CHST11: variants seen among roughly 807,000 people sequenced by gnomAD.
The protein encoded by CHST11 is C4S-1.
Under a neutral mutation model 30.4 loss-of-function variants are expected in CHST11, and 9 were observed. The observed-to-expected ratio is 0.30, with a 90% CI of 0.18 to 0.52. CHST11 has a LOEUF of 0.52. Ranked by LOEUF, CHST11 falls within the 20% of genes least tolerant of loss-of-function variation. The probability of loss-of-function intolerance (pLI) is 0.97; values close to 1 mark genes in which losing one functional copy is unlikely to be tolerated. For missense variants in CHST11, 348 were observed against 460.6 expected, an observed-to-expected ratio of 0.76 and a Z score of 2.24; for synonymous variants, 152 against 187.8, an observed-to-expected ratio of 0.81 and a Z score of 1.56.
chr12:104,700,603 T>C (rs908156415), intron 2 of CHST11, among the ~76,000 whole-genome samples: 4 of 152,230 alleles, frequency 2.6e-5, no homozygotes, highest in Admixed American at 1.3e-4. Flanking sequence ...GGGAGGGTTA[T>C]AGGTGACTAA....
At chr12:104,637,859 C>T (rs754102977) in intron 2 of CHST11, among the ~76,000 whole-genome samples, 5 of 152,110 alleles carry the variant, frequency 3.3e-5, no homozygotes, top group African/African-American at 1.2e-4. Flanking sequence ...CTCCCTTTGC[C>T]GCACCCCCCC....
At chr12:104,682,619 G>A (rs1387727075) in intron 2 of CHST11, among the ~76,000 whole-genome samples, 8 of 152,170 alleles carry the variant, frequency 5.3e-5, no homozygotes, top group African/African-American at 1.7e-4. Flanking sequence ...CATCTCTCTG[G>A]TGTTTATGGT....
intron 2 of CHST11, among the ~76,000 whole-genome samples, chr12:104,654,848 C>T (rs2039527485): frequency 6.6e-6 from 1 of 152,152 alleles, no homozygotes; most frequent in African/African-American, 2.4e-5. Context: ...TGCCAACATC[C>T]CCCTAGCTAT....
chr12:104,677,432 A>G (rs989585485), intron 2 of CHST11, among the ~76,000 whole-genome samples: 11 of 152,328 alleles, frequency 7.2e-5, no homozygotes, highest in African/African-American at 7.2e-5. Context: ...TAGCTTGTCA[A>G]ACAGTATTTT....
intron 2 of CHST11, among the ~76,000 whole-genome samples, chr12:104,677,211 C>A (rs545895075): frequency 6.6e-6 from 1 of 152,188 alleles, no homozygotes; most frequent in Admixed American, 6.5e-5. Flanking sequence ...TTTAATGTTC[C>A]TGTAATAACA....
At chr12:104,563,335 G>T (rs1345852134) in intron 1 of CHST11, among the ~76,000 whole-genome samples, 1 of 152,216 alleles carries the variant, frequency 6.6e-6, no homozygotes, top group Non-Finnish European at 1.5e-5. Context: ...ACTGTGCTCG[G>T]CCATTGTTGA....
intron 2 of CHST11, among the ~76,000 whole-genome samples, chr12:104,636,229 C>T (rs547581944): frequency 6.6e-5 from 10 of 152,280 alleles, no homozygotes; most frequent in South Asian, 2.1e-4. Flanking sequence ...TCAGACATCC[C>T]GCTCCATTTC....
chr12:104,616,993 G>A (rs1052041656), intron 2 of CHST11, among the ~76,000 whole-genome samples: 2 of 152,206 alleles, frequency 1.3e-5, no homozygotes, highest in Admixed American at 6.5e-5. Flanking sequence ...ATAAAAGGCC[G>A]TGTTTATGCA....
rs2038866726 is a variant in CHST11 at position 104,592,271 on chromosome 12, G to T, written c.119-9635G>T. On this transcript the variant is annotated intron_variant, in intron 1 of 2. Coordinates refer to ENST00000303694, the MANE Select transcript of CHST11 (RefSeq NM_018413.6). ...AGGTTTGTGTCTTAATCTGTTCAGG[G>T]TGCTACAACAAAATACCATAAACTG... is the stretch of plus-strand genomic sequence containing the variant. 3.3e-5 allele frequency among the ~76,000 whole-genome samples: 5 copies of T among 151,986 alleles called. No individual in the cohort carries two copies. The South Asian group carries it at 1.0e-3, about 32-fold the overall frequency.
At chr12:104,574,535 A>T (rs1247491783) in intron 1 of CHST11, among the ~76,000 whole-genome samples, 2 of 152,228 alleles carry the variant, frequency 1.3e-5, no homozygotes, top group African/African-American at 4.8e-5. Context: ...AGCCATAAAA[A>T]ATGATGAGTT....
chr12:104,628,815 C>G (rs1244798495), intron 2 of CHST11, among the ~76,000 whole-genome samples: 1 of 152,206 alleles, frequency 6.6e-6, no homozygotes, highest in Non-Finnish European at 1.5e-5. Context: ...TCCTCTAATA[C>G]CCTTGCCTCT....
chr12:104,597,404 C>T (rs1261927841), intron 1 of CHST11, among the ~76,000 whole-genome samples: 2 of 152,114 alleles, frequency 1.3e-5, no homozygotes, highest in African/African-American at 4.8e-5. Context: ...AGAAGCCTGC[C>T]GTTAAATGTC....
In CHST11 at chr12:104,761,464, TACACACAC is replaced by T. The variant is rs140486952; in HGVS notation, c.*3691_*3698del. The T allele has an allele frequency of 2.7e-3, 390 of 142,586 alleles. No individual in the cohort carries two copies. Among genetic ancestry groups the T allele is most frequent in the Non-Finnish European group, 3.3e-3 (219 of 66,370 alleles). 8.8% of individuals were successfully genotyped at this position (142,586 alleles called of 1,614,324 possible). ...CTTGCTTTCCTAGCCAGTCCTCCCC[TACACACAC>T]ACACACACACACACACACACACACA... On this transcript the variant is annotated 3_prime_UTR_variant, in exon 3 of 3. Transcript: ENST00000303694.
chr12:104,526,028 A>G (rs1236188511), intron 1 of CHST11, among the ~76,000 whole-genome samples: 2 of 152,176 alleles, frequency 1.3e-5, no homozygotes, highest in African/African-American at 2.4e-5. Context: ...GGTTTTTAGC[A>G]TGTCTTTTCG....
chr12:104,640,125 G>GAAAA (rs1232905765), intron 2 of CHST11, among the ~76,000 whole-genome samples: 2 of 152,302 alleles, frequency 1.3e-5, no homozygotes, highest in Admixed American at 6.5e-5. Context: ...TTCACTGCGG[G>GAAAA]TGGAAATGCA....
chr12:104,526,680 C>G (rs1446587173), intron 1 of CHST11, among the ~76,000 whole-genome samples: 1 of 152,190 alleles, frequency 6.6e-6, no homozygotes, highest in Non-Finnish European at 1.5e-5. Flanking sequence ...TCTCAACCCA[C>G]TGCAAGTCTT....
At chr12:104,628,185 A>G (rs750579583) in intron 2 of CHST11, among the ~76,000 whole-genome samples, 5 of 152,198 alleles carry the variant, frequency 3.3e-5, no homozygotes, top group Non-Finnish European at 7.3e-5. Flanking sequence ...GACATTCGCC[A>G]TTAAACCCGA....
At chr12:104,645,125 T>C (rs2039414174) in intron 2 of CHST11, among the ~76,000 whole-genome samples, 1 of 151,920 alleles carries the variant, frequency 6.6e-6, no homozygotes, top group Non-Finnish European at 1.5e-5. Flanking sequence ...TTTTTTGTAT[T>C]TTTAGTAGAG....
intron 1 of CHST11, among the ~76,000 whole-genome samples, chr12:104,553,847 T>G (rs2038429642): frequency 6.6e-6 from 1 of 152,160 alleles, no homozygotes; most frequent in Admixed American, 6.5e-5. Context: ...GTTTATTATA[T>G]CACAGTTTTT....
Sources: allele counts gnomAD v4.1 joint callset (sites outside exome capture counted in the v4.1 genomes callset), GRCh38; gene constraint gnomAD v4.1.1; transcripts MANE v1.5; gene names NCBI Gene and HGNC (gene_info 2026-07-23, HGNC 2026-07-21).